Variants in TBCD observed in about 807,000 individuals in gnomAD.
TBCD encodes tubulin-specific chaperone D.
Under a neutral mutation model 169.3 loss-of-function variants are expected in TBCD, and 105 were observed. The observed-to-expected ratio is 0.62, with a 90% CI of 0.53 to 0.73. The LOEUF (loss-of-function observed/expected upper bound fraction) is 0.73, where lower values mean the gene tolerates loss of function less well. Ranked by LOEUF, TBCD falls within the 30% of genes least tolerant of loss-of-function variation. The probability of loss-of-function intolerance (pLI) is 0.00; values close to 1 mark genes in which losing one functional copy is unlikely to be tolerated. For missense variants in TBCD, 1,444 were observed against 1,600.1 expected (o/e 0.90, Z 1.66); for synonymous variants, 700 against 643.9 (o/e 1.09, Z -1.32).
At position 82,752,147 on chromosome 17, in the gene TBCD, G is replaced by C. The variant is rs1047830187; in HGVS notation, c.-47G>C. 1 of 1,463,800 alleles carries C rather than the reference G, an allele frequency of 6.8e-7. No homozygotes were observed. The highest frequency in any genetic ancestry group is 1.5e-5 in the African/African-American group (1 of 67,352). 90.7% of individuals were successfully genotyped at this position (1,463,800 alleles called of 1,614,324 possible). On this transcript the variant is annotated 5_prime_UTR_variant, in exon 1 of 39. Coordinates refer to ENST00000355528, the MANE Select transcript of TBCD (RefSeq NM_005993.5). ...CTGGCTTTCGCGCTCTAGCGGAGTG[G>C]GATCTGCGAACACGTGAGGCGGGGG...
rs148917265 is a variant in TBCD at position 82,875,961 on chromosome 17, A to T, written c.1475+5581A>T. Among the ~76,000 whole-genome samples the T allele has an allele frequency of 7.9e-5, 12 of 152,316 alleles. No individual in the cohort carries two copies. The East Asian group carries it at 1.9e-3, about 24-fold the overall frequency. On this transcript the variant is annotated intron_variant, in intron 14 of 38. Coordinates refer to ENST00000355528, the MANE Select transcript of TBCD (RefSeq NM_005993.5). ...TTCAGCCATAGGCAGGTCCGATATG[A>T]TTTGCAACTTTCAAAAAACAGGATG...
chr17:82,787,438 G>A (rs2049398872), intron 7 of TBCD, among the ~76,000 whole-genome samples: 1 of 152,242 alleles, frequency 6.6e-6, no homozygotes, highest in Admixed American at 6.5e-5. Flanking sequence ...AGCATCTCGA[G>A]TCTTTCCAGA....
chr17:82,844,681 A>G (rs2054850618), intron 13 of TBCD, among the ~76,000 whole-genome samples: 1 of 152,124 alleles, frequency 6.6e-6, no homozygotes, highest in Non-Finnish European at 1.5e-5. Flanking sequence ...TATTTCTTGA[A>G]AAAAGAAAAT....
chr17:82,755,867 C>T (rs1018774624), intron 1 of TBCD, among the ~76,000 whole-genome samples: 5 of 151,976 alleles, frequency 3.3e-5, no homozygotes, highest in Admixed American at 6.6e-5. Context: ...AAGGAAGAGG[C>T]GAGGAGGAGA....
Position 82,927,890 on chromosome 17 carries a change from T to C in TBCD, c.2610-15T>C. 6.2e-7 allele frequency: 1 copy of C among 1,612,822 alleles called. No individual in the cohort carries two copies. On this transcript the variant is annotated splice_polypyrimidine_tract_variant and intron_variant, in intron 29 of 38. Coordinates refer to ENST00000355528, the MANE Select transcript of TBCD (RefSeq NM_005993.5). ...CTCTCAAGCTGGGTGTCTCTGCCTC[T>C]CCTTGTCCCATCAGGGTCCGCAAGG...
chr17:82,846,387 C>T (rs1598894481), intron 13 of TBCD, among the ~76,000 whole-genome samples: 2 of 152,172 alleles, frequency 1.3e-5, no homozygotes, highest in African/African-American at 4.8e-5. Context: ...GCCGTGTCCT[C>T]TCGTCCAGCC....
At chr17:82,867,567 A>C (rs994411768) in intron 13 of TBCD, among the ~76,000 whole-genome samples, 1 of 152,238 alleles carries the variant, frequency 6.6e-6, no homozygotes, top group African/African-American at 2.4e-5. Flanking sequence ...GAACGTGAGC[A>C]GTGCGAGAAG....
At chr17:82,759,884 G>GTT (rs200933847) in intron 2 of TBCD, among the ~76,000 whole-genome samples, 3 of 121,138 alleles carry the variant, frequency 2.5e-5, no homozygotes, top group African/African-American at 1.0e-4. Flanking sequence ...CATTTCGTTT[G>GTT]TTTGTTTTTT....
chr17:82,834,508 CAT>C (rs2053797737), intron 13 of TBCD, among the ~76,000 whole-genome samples: 1 of 152,190 alleles, frequency 6.6e-6, no homozygotes, highest in Non-Finnish European at 1.5e-5. Flanking sequence ...AAATGCGGCA[CAT>C]ATACACCATG....
At chr17:82,912,319 T>TA (rs1233633333) in intron 23 of TBCD, among the ~76,000 whole-genome samples, 1 of 152,248 alleles carries the variant, frequency 6.6e-6, no homozygotes, top group Non-Finnish European at 1.5e-5. Flanking sequence ...AAGCCTCTGA[T>TA]ACCCCCCGGG....
intron 8 of TBCD, 98 bp downstream of exon 8, chr17:82,797,900 C>A: frequency 1.2e-6 from 1 of 831,502 alleles, no homozygotes; most frequent in Non-Finnish European, 1.8e-6. Flanking sequence ...GATATAGGAA[C>A]TGTACATTGG....
chr17:82,848,324 G>A (rs1305554941), intron 13 of TBCD, among the ~76,000 whole-genome samples: 3 of 151,750 alleles, frequency 2.0e-5, no homozygotes, highest in African/African-American at 2.4e-5. Flanking sequence ...GCGGATTGGC[G>A]CTGCGGCTTC....
At chr17:82,851,001 ATAATT>A (rs763198201) in intron 13 of TBCD, among the ~76,000 whole-genome samples, 4 of 152,252 alleles carry the variant, frequency 2.6e-5, no homozygotes, top group Non-Finnish European at 4.4e-5. Context: ...GCATGATTCC[ATAATT>A]GATACAGAAC....
intron 4 of TBCD, among the ~76,000 whole-genome samples, 194 bp downstream of exon 4, chr17:82,766,562 G>A (rs541339344): frequency 1.2e-3 from 187 of 150,798 alleles, no homozygotes; most frequent in African/African-American, 3.9e-3. Context: ...AATTATTTTC[G>A]TTTAAAATAG....
At chr17:82,919,101 C>A (rs1005918670) in intron 23 of TBCD, among the ~76,000 whole-genome samples, 4 of 151,556 alleles carry the variant, frequency 2.6e-5, no homozygotes, top group African/African-American at 7.3e-5. Flanking sequence ...ATTTTCAAAT[C>A]TGCGCAGAAG....
At chr17:82,866,092 T>G (rs2057151160) in intron 13 of TBCD, among the ~76,000 whole-genome samples, 1 of 152,174 alleles carries the variant, frequency 6.6e-6, no homozygotes, top group South Asian at 2.1e-4. Flanking sequence ...GTTTTTGAAA[T>G]TTTTTTCTGA....
At chr17:82,784,982 C>T (rs965495623) in intron 7 of TBCD, among the ~76,000 whole-genome samples, 3 of 147,282 alleles carry the variant, frequency 2.0e-5, no homozygotes, top group Non-Finnish European at 3.0e-5. Context: ...CCCCACCCAT[C>T]GCAGCGGGAG....
At chr17:82,872,651 T>A (rs929169491) in intron 14 of TBCD, among the ~76,000 whole-genome samples, 7 of 149,476 alleles carry the variant, frequency 4.7e-5, no homozygotes, top group Non-Finnish European at 7.5e-5. Flanking sequence ...CAAAAAAATG[T>A]ATCTTTCTTA....
At chr17:82,850,198 CTGTGCTGTTGTTGG>C (rs2145636267) in intron 13 of TBCD, among the ~76,000 whole-genome samples, 1 of 129,236 alleles carries the variant, frequency 7.7e-6, no homozygotes, top group East Asian at 2.3e-4. Context: ...CTGCTGTTGG[CTGTGCTGTTGTTGG>C]CTGTGCTGCT....
Sources: gnomAD v4.1 joint callset for allele counts (sites outside exome capture counted in the v4.1 genomes callset) on GRCh38, gnomAD v4.1.1 for gene constraint, MANE v1.5 for transcripts, NCBI Gene and HGNC (gene_info 2026-07-23, HGNC 2026-07-21) for gene names.